Variants in OTOA observed in about 807,000 individuals in gnomAD.
OTOA encodes the protein otoancorin.
Under a neutral mutation model 110.8 loss-of-function variants are expected in OTOA, and 70 were observed. The observed-to-expected ratio is 0.63, with a 90% CI of 0.52 to 0.77. The LOEUF is 0.77. OTOA is among the 30% of genes least tolerant of loss of function. The pLI, the probability that OTOA is intolerant of heterozygous loss-of-function variation, is 0.00. For missense variants in OTOA, 917 were observed against 1,075.8 expected, an observed-to-expected ratio of 0.85 and a Z score of 2.06; for synonymous variants, 373 against 431.5, an observed-to-expected ratio of 0.86 and a Z score of 1.68.
At chr16:21,696,720 A>T (rs919179419) in intron 9 of OTOA, among the ~76,000 whole-genome samples, 1 of 151,250 alleles carries the variant, frequency 6.6e-6, no homozygotes, top group Non-Finnish European at 1.5e-5. Context: ...CACCTGGCTA[A>T]TTTTTCTTTG....
intron 12 of OTOA, among the ~76,000 whole-genome samples, chr16:21,707,594 TTTCTTTCTTTC>T: frequency 8.0e-5 from 1 of 12,548 alleles, no homozygotes; most frequent in East Asian, 3.0e-3. Context: ...TCTCCTTCCT[TTTCTTTCTTTC>T]TTTCTTTCTT....
chr16:21,695,294 A>G (rs1296668562), intron 9 of OTOA, among the ~76,000 whole-genome samples: 3 of 147,176 alleles, frequency 2.0e-5, no homozygotes, highest in African/African-American at 7.4e-5. Context: ...AGTCCTAGCT[A>G]CTAGGGAGGC....
At chr16:21,695,835 A>G (rs1216234593) in intron 9 of OTOA, among the ~76,000 whole-genome samples, 1 of 142,834 alleles carries the variant, frequency 7.0e-6, no homozygotes, top group African/African-American at 2.6e-5. Flanking sequence ...CTTCCAGCTC[A>G]GTGAAACTTG....
At position 21,719,417 on chromosome 16, in the gene OTOA, C is replaced by T. The variant is rs758575771; in HGVS notation, c.1719C>T (p.Cys573=). The change falls in exon 17 of 29, where the codon TGC becomes TGT. Residue 573 remains cysteine, a synonymous_variant. Transcript: ENST00000646100. ...GGCAGCTGGTCAAAGGCGTGACCTG[C>T]TCACACATTGATGCCATGAGCACTG... ...SAGQLVKGVT[C]SHIDAMSTDF... is the part of the protein sequence containing the mutation. 3 of 1,614,052 alleles carry T rather than the reference C, an allele frequency of 1.9e-6. No homozygotes were observed. Among genetic ancestry groups the T allele is most frequent in the Non-Finnish European group, 1.7e-6 (2 of 1,180,036 alleles).
At chr16:21,677,993 TCTC>T (rs1218749108) in intron 1 of OTOA, among the ~76,000 whole-genome samples, 1 of 152,108 alleles carries the variant, frequency 6.6e-6, no homozygotes, top group Non-Finnish European at 1.5e-5. Context: ...TTCAGGCACT[TCTC>T]CTGTCTTAGC....
intron 6 of OTOA, among the ~76,000 whole-genome samples, chr16:21,682,063 A>G (rs1341827010): frequency 6.6e-6 from 1 of 152,220 alleles, no homozygotes; most frequent in Non-Finnish European, 1.5e-5. Context: ...CTATAACAAA[A>G]AGACCCCCAG....
At chr16:21,732,519 T>C (rs1277752147) in intron 21 of OTOA, among the ~76,000 whole-genome samples, 2 of 152,082 alleles carry the variant, frequency 1.3e-5, no homozygotes, top group Non-Finnish European at 2.9e-5. Context: ...CCAAAGCCCA[T>C]TGTATCATTC....
intron 13 of OTOA, 136 bp downstream of exon 13, chr16:21,710,239 C>A: frequency 9.9e-7 from 1 of 1,007,602 alleles, no homozygotes; most frequent in Non-Finnish European, 1.5e-6. Context: ...GTTCTGGAGA[C>A]TGGGAAGTCC....
chr16:21,674,708 T>C (rs1203173548), intron 1 of OTOA, among the ~76,000 whole-genome samples: 2 of 151,834 alleles, frequency 1.3e-5, no homozygotes, highest in Admixed American at 6.6e-5. Flanking sequence ...GTGGTCATTT[T>C]CCTAATGGCT....
intron 17 of OTOA, among the ~76,000 whole-genome samples, chr16:21,721,974 A>G (rs1898757090): frequency 1.3e-5 from 2 of 151,928 alleles, no homozygotes; most frequent in South Asian, 4.2e-4. Flanking sequence ...CAGTAATCTT[A>G]GCACTTTAGG....
At chr16:21,720,357 A>T (rs1301598658) in intron 17 of OTOA, among the ~76,000 whole-genome samples, 1 of 152,238 alleles carries the variant, frequency 6.6e-6, no homozygotes, top group Non-Finnish European at 1.5e-5. Flanking sequence ...ATGGATATTA[A>T]AAAGCACCTT....
At chr16:21,712,768 C>T (rs150452335) in intron 13 of OTOA, among the ~76,000 whole-genome samples, 2 of 151,822 alleles carry the variant, frequency 1.3e-5, no homozygotes, top group African/African-American at 4.8e-5. Flanking sequence ...TGGCGTGAAC[C>T]TGGGAGGCGG....
intron 18 of OTOA, among the ~76,000 whole-genome samples, chr16:21,723,995 A>T (rs1043715875): frequency 3.3e-5 from 5 of 152,120 alleles, no homozygotes; most frequent in African/African-American, 1.2e-4. Flanking sequence ...TCTGTATTGC[A>T]CCCCTGGAGC....
At chr16:21,704,102 T>C (rs1597823898) in intron 11 of OTOA, among the ~76,000 whole-genome samples, 2 of 152,282 alleles carry the variant, frequency 1.3e-5, no homozygotes, top group East Asian at 3.9e-4. Flanking sequence ...GCAGTAGGCC[T>C]GAATCAATGC....
In OTOA at chr16:21,717,047, GGT is replaced by G. The variant is rs770073039; in HGVS notation, c.1629+1_1629+2del. The G allele has an allele frequency of 6.2e-7, 1 of 1,614,032 alleles. No homozygotes were observed. Among genetic ancestry groups the G allele is most frequent in the Admixed American group, 1.7e-5 (1 of 59,996 alleles). On this transcript the variant is annotated splice_donor_variant, in intron 15 of 28. Transcript: ENST00000646100. LOFTEE classifies it high-confidence loss of function. Reference sequence around the variant, plus strand: ...AGGATAAGGAACTTGGAAGGAGCCAGGTATTACCATGAAACACAGATCGATCC... The same window carrying G: ...AGGATAAGGAACTTGGAAGGAGCCAGATTACCATGAAACACAGATCGATCC...
intron 8 of OTOA, among the ~76,000 whole-genome samples, chr16:21,689,422 C>A: frequency 6.6e-6 from 1 of 152,098 alleles, no homozygotes; most frequent in South Asian, 2.1e-4. Flanking sequence ...TCCGTTCATG[C>A]AGATTGTGGA....
At chr16:21,678,859 A>G in intron 2 of OTOA, 56 bp from the exon 3 acceptor site, 1 of 1,588,872 alleles carries the variant, frequency 6.3e-7, no homozygotes, top group Admixed American at 1.7e-5. Context: ...CCATATTTGT[A>G]GTTTTGAAGG....
chr16:21,757,653 C>T (rs1267968055), intron 28 of OTOA, among the ~76,000 whole-genome samples: 9 of 149,984 alleles, frequency 6.0e-5, no homozygotes, highest in Non-Finnish European at 1.2e-4. Context: ...GAGTCTCGCC[C>T]TGTCGCCCAG....
chr16:21,728,188 C>T (rs747876486), intron 19 of OTOA, 53 bp from the exon 20 acceptor site: 15 of 1,608,598 alleles, frequency 9.3e-6, no homozygotes, highest in South Asian at 2.2e-5. Flanking sequence ...TCTAATGGCT[C>T]ACGATCTTAT....
Sources: allele counts gnomAD v4.1 joint callset (sites outside exome capture counted in the v4.1 genomes callset), GRCh38; gene constraint gnomAD v4.1.1; transcripts MANE v1.5; gene names NCBI Gene and HGNC (gene_info 2026-07-23, HGNC 2026-07-21).